PTPN2: variants seen among roughly 807,000 people sequenced by gnomAD.
PTPN2 encodes the protein tyrosine-protein phosphatase non-receptor type 2.
A neutral mutation model predicts 57.3 loss-of-function variants in PTPN2; 19 were observed. That is an observed-to-expected ratio of 0.33 (90% CI 0.23 to 0.49). The LOEUF is 0.49. PTPN2 is among the 20% of genes least tolerant of loss of function. The pLI is 0.99. For synonymous variants in PTPN2, 153 were observed against 164.9 expected (o/e 0.93, Z 0.55); for missense variants, 358 against 501.1 (o/e 0.71, Z 2.73).
At chr18:12,787,743 CTT>C (rs1277265297), downstream of PTPN2, 1 of 152,174 alleles carries the variant, frequency 6.6e-6, no homozygotes, top group Non-Finnish European at 1.5e-5. Flanking sequence ...AATAGATTCA[CTT>C]GAATCAATTT....
At chr18:12,860,546 G>A (rs949174735) in intron 1 of PTPN2, among the ~76,000 whole-genome samples, 7 of 152,098 alleles carry the variant, frequency 4.6e-5, no homozygotes, top group Admixed American at 6.6e-5. Context: ...GCAGTGAGCC[G>A]AGGTCGTACC....
At position 12,855,710 on chromosome 18, in the gene PTPN2, A is replaced by G. The variant is rs984408458; in HGVS notation, c.160+3454T>C. Among the ~76,000 whole-genome samples the G allele has an allele frequency of 2.4e-4, 37 of 152,274 alleles. No homozygotes were observed. In the South Asian group the frequency reaches 7.5e-3, roughly 31 times the overall value. ...CAAGGCAACCCCAAGCCCACCTAACACTGGAGTCCACCCAAGGCACACGCT... is the reference window on the plus strand; with the variant it reads ...CAAGGCAACCCCAAGCCCACCTAACGCTGGAGTCCACCCAAGGCACACGCT... On this transcript the variant is annotated intron_variant, in intron 2 of 8. Transcript: ENST00000309660.
intron 1 of PTPN2, among the ~76,000 whole-genome samples, chr18:12,876,898 A>G (rs2044509451): frequency 6.6e-6 from 1 of 152,210 alleles, no homozygotes; most frequent in African/African-American, 2.4e-5. Flanking sequence ...CCTCCTAGCC[A>G]TCAAAATTAA....
chr18:12,871,002 CGA>C (rs1219823649), intron 1 of PTPN2, among the ~76,000 whole-genome samples: 1 of 152,008 alleles, frequency 6.6e-6, no homozygotes, highest in East Asian at 1.9e-4. Context: ...GTATATTTTC[CGA>C]GACATTCTAT....
chr18:12,794,629 A>C, intron 8 of PTPN2, 144 bp from the exon 9 acceptor site: 1 of 1,091,892 alleles, frequency 9.2e-7, no homozygotes, highest in Non-Finnish European at 1.3e-6. Context: ...GAAAAGCCTC[A>C]ATATTCTTTT....
chr18:12,874,230 C>G (rs1385948902), intron 1 of PTPN2, among the ~76,000 whole-genome samples: 1 of 149,396 alleles, frequency 6.7e-6, no homozygotes, highest in African/African-American at 2.5e-5. Flanking sequence ...GCCCGGCCAG[C>G]CGCCCCGTCC....
intron 1 of PTPN2, among the ~76,000 whole-genome samples, chr18:12,877,375 G>A (rs7234946): frequency 0.042 from 6,326 of 152,210 alleles, 437 homozygotes; most frequent in African/African-American, 0.14. Context: ...AGGAGACTAC[G>A]GTCTAGTCTT....
chr18:12,804,305 A>AAG (rs966954260), intron 7 of PTPN2, among the ~76,000 whole-genome samples: 1 of 150,540 alleles, frequency 6.6e-6, no homozygotes, highest in South Asian at 2.1e-4. Flanking sequence ...AAAAAAAAAA[A>AAG]AAAAGAAAAA....
intron 7 of PTPN2, among the ~76,000 whole-genome samples, chr18:12,806,403 A>T (rs181293437): frequency 6.3e-4 from 96 of 152,342 alleles, no homozygotes; most frequent in African/African-American, 2.2e-3. Context: ...GATTCAATGC[A>T]ATTCAATGAA....
At chr18:12,795,144 T>C (rs1279967183) in intron 8 of PTPN2, among the ~76,000 whole-genome samples, 3 of 152,228 alleles carry the variant, frequency 2.0e-5, no homozygotes, top group Non-Finnish European at 1.5e-5. Flanking sequence ...CTGATCCCAT[T>C]TCCTGGTCAC....
Position 12,884,060 on chromosome 18 carries a change from G to A in PTPN2, c.69+13C>T, listed in dbSNP as rs765551608. ...GAGGAGGTCGGCGACTGCCGCGTGG[G>A]TCCGCGACTCACCAAGTACAGCGGC... On this transcript the variant is annotated intron_variant, in intron 1 of 8. Coordinates refer to ENST00000309660, the MANE Select transcript of PTPN2 (RefSeq NM_002828.4). 2.6e-6 allele frequency: 4 copies of A among 1,566,350 alleles called. No homozygotes were observed. Among genetic ancestry groups the A allele is most frequent in the African/African-American group, 1.4e-5 (1 of 73,244 alleles).
chr18:12,846,238 G>A (rs1321171331), intron 2 of PTPN2, among the ~76,000 whole-genome samples: 1 of 152,086 alleles, frequency 6.6e-6, no homozygotes, highest in Non-Finnish European at 1.5e-5. Context: ...CCAGTGTAGA[G>A]GTACTATTCC....
chr18:12,831,078 C>G, intron 3 of PTPN2, 37 bp from the exon 4 acceptor site: 1 of 1,447,354 alleles, frequency 6.9e-7, no homozygotes, highest in Non-Finnish European at 9.7e-7. Context: ...ATGAGGGAAG[C>G]AGACAGAAAG....
rs2041060205 is a variant in PTPN2 at position 12,793,768 on chromosome 18, TA to T, written c.*509del. The T allele has an allele frequency of 1.1e-6, 1 of 934,888 alleles. No homozygotes were observed. Among genetic ancestry groups the T allele is most frequent in the African/African-American group, 1.8e-5 (1 of 55,766 alleles). The allele number at this position is 934,888 out of a possible 1,614,324, so 57.9% of individuals were successfully genotyped here. A position where few individuals can be genotyped will look rare whatever the true frequency, so the allele number is the denominator to read the frequency against. On this transcript the variant is annotated 3_prime_UTR_variant, in exon 9 of 9. Coordinates refer to ENST00000309660, the MANE Select transcript of PTPN2 (RefSeq NM_002828.4). ...GTACAGTTAACTACAAAAGATTAAA[TA>T]GATACTTATAAAATATATTTACCCT...
chr18:12,884,095 C>T lies in PTPN2; in HGVS notation c.47G>A (p.Arg16His), dbSNP rs1206823913. Reference protein sequence around the residue: ...EREFEELDTQRRWQPLYLEIR... With the variant: ...EREFEELDTQHRWQPLYLEIR... ...CACCAAGTACAGCGGCTGCCAGCGA[C>T]GCTGAGTATCCAACTCTTCGAACTC... Residue 16 changes from arginine to histidine, a missense_variant, in exon 1 of 9, where the codon CGT becomes CAT. Coordinates refer to ENST00000309660, the MANE Select transcript of PTPN2 (RefSeq NM_002828.4). 3.8e-6 allele frequency: 6 copies of T among 1,584,724 alleles called. No individual in the cohort carries two copies. The highest frequency in any genetic ancestry group is 1.4e-5 in the African/African-American group (1 of 74,048).
intron 3 of PTPN2, 41 bp downstream of exon 3, chr18:12,836,750 C>T: frequency 7.9e-7 from 1 of 1,266,910 alleles, no homozygotes; most frequent in Non-Finnish European, 1.1e-6. Flanking sequence ...CAAGCACAAA[C>T]ACATCATTTT....
At chr18:12,800,190 T>C (rs753033152) in intron 8 of PTPN2, among the ~76,000 whole-genome samples, 1 of 152,172 alleles carries the variant, frequency 6.6e-6, no homozygotes, top group Non-Finnish European at 1.5e-5. Context: ...AGAGTGGTTT[T>C]AGTAGTCTCC....
chr18:12,837,762 G>GTC (rs45579847), intron 2 of PTPN2, among the ~76,000 whole-genome samples: 43,153 of 151,932 alleles, frequency 0.28, 6,668 homozygotes, highest in South Asian at 0.55. Flanking sequence ...TAAATAGCCA[G>GTC]TCTCTCCTTA....
At chr18:12,882,072 G>C (rs755914648) in intron 1 of PTPN2, among the ~76,000 whole-genome samples, 1 of 152,224 alleles carries the variant, frequency 6.6e-6, no homozygotes, top group African/African-American at 2.4e-5. Flanking sequence ...AGCAAAAGCT[G>C]CAACTCCACT....
Sources: allele counts gnomAD v4.1 joint callset (sites outside exome capture counted in the v4.1 genomes callset), GRCh38; gene constraint gnomAD v4.1.1; transcripts MANE v1.5; gene names NCBI Gene and HGNC (gene_info 2026-07-23, HGNC 2026-07-21).